ALG9: variants seen among roughly 807,000 people sequenced by gnomAD.
ALG9 encodes ALG9 alpha-1,2-mannosyltransferase.
A neutral mutation model predicts 81.8 loss-of-function variants in ALG9; 55 were observed. The observed-to-expected ratio is 0.67, with a 90% CI of 0.54 to 0.84. ALG9 has a LOEUF of 0.84. Ranked by LOEUF, ALG9 falls within the 40% of genes least tolerant of loss-of-function variation. The pLI is 0.00. For missense variants in ALG9, 629 were observed against 745.0 expected (o/e 0.84, Z 1.81); for synonymous variants, 278 against 274.3 (o/e 1.01, Z -0.13).
chr11:111,795,158 G>A (rs1392361692), intron 14 of ALG9, among the ~76,000 whole-genome samples: 1 of 152,150 alleles, frequency 6.6e-6, no homozygotes, highest in African/African-American at 2.4e-5. Context: ...TTAGGAAAGT[G>A]CCACAGAAAG....
chr11:111,863,930 T>C (rs1195657267), intron 4 of ALG9, among the ~76,000 whole-genome samples: 1 of 152,152 alleles, frequency 6.6e-6, no homozygotes, highest in Non-Finnish European at 1.5e-5. Context: ...ATGAATGATA[T>C]AAGGATATGG....
the ALG9 span, among the ~76,000 whole-genome samples, chr11:111,774,090 AAAAG>A: frequency 6.6e-6 from 1 of 150,546 alleles, no homozygotes; most frequent in Non-Finnish European, 1.5e-5. Context: ...AAAAAAAAAA[AAAAG>A]CAGCACGGAG....
At chr11:111,768,052 T>G in the ALG9 span, among the ~76,000 whole-genome samples, 1 of 152,226 alleles carries the variant, frequency 6.6e-6, no homozygotes, top group Non-Finnish European at 1.5e-5. Context: ...TTTATTGTTC[T>G]GGGATAATGA....
chr11:111,863,900 T>C (rs551068291), intron 4 of ALG9, among the ~76,000 whole-genome samples: 1 of 152,342 alleles, frequency 6.6e-6, no homozygotes, highest in East Asian at 1.9e-4. Context: ...ACCAGTTAGA[T>C]AGTTTTTAAC....
Position 111,865,293 on chromosome 11 carries a change from G to A in ALG9, c.406-42C>T, listed in dbSNP as rs1374668019. 4.1e-6 allele frequency: 6 copies of A among 1,470,328 alleles called. No homozygotes were observed. The African/African-American group carries it at 8.5e-5, about 21-fold the overall frequency. The allele number at this position is 1,470,328 out of a possible 1,614,324, so 91.1% of individuals were successfully genotyped here. A position where few individuals can be genotyped will look rare whatever the true frequency, so the allele number is the denominator to read the frequency against. On this transcript the variant is annotated intron_variant, in intron 3 of 14. Transcript: ENST00000616540. ...AAAAGAAAACAGAAGTCACAGATAT[G>A]AGCTAGAAAAACTCATAAACATGAA...
At chr11:111,864,446 T>G in intron 4 of ALG9, 1 of 756,930 alleles carries the variant, frequency 1.3e-6, no homozygotes, top group Non-Finnish European at 2.5e-6. Flanking sequence ...CCAGAAAATC[T>G]GTTCTTTTTT....
the ALG9 span, among the ~76,000 whole-genome samples, chr11:111,773,798 A>G: frequency 7.0e-6 from 1 of 142,002 alleles, no homozygotes; most frequent in Non-Finnish European, 1.5e-5. Context: ...TCTGTTACCC[A>G]GTCTGGAGTG....
At chr11:111,840,567 AGCATTCTGTAATTT>A (rs1256232259) in intron 10 of ALG9, 74 bp downstream of exon 10, 2 of 1,471,052 alleles carry the variant, frequency 1.4e-6, no homozygotes. Flanking sequence ...CTTAGGTGGA[AGCATTCTGTAATTT>A]GCACTTAAGT....
At position 111,857,795 on chromosome 11, in the gene ALG9, T is replaced by C. The variant is rs1367366253; in HGVS notation, c.566-58A>G. The C allele has an allele frequency of 3.1e-6, 5 of 1,596,516 alleles. No individual in the cohort carries two copies. The Admixed American group carries it at 5.0e-5, about 16-fold the overall frequency. ...GGACAAGAGCTCGAGGTTAATTAGG[T>C]ATCAATTAAAAACTGATTAAAAATT... On this transcript the variant is annotated intron_variant, in intron 5 of 14. Coordinates refer to ENST00000616540, the MANE Select transcript of ALG9 (RefSeq NM_024740.2).
downstream of ALG9, chr11:111,778,452 T>C (rs564551841): frequency 5.9e-5 from 9 of 152,330 alleles, no homozygotes; most frequent in South Asian, 2.1e-4. Context: ...TATTAGTTAA[T>C]TGTTTCCCAG....
At chr11:111,855,636 A>C (rs1214159880) in intron 6 of ALG9, among the ~76,000 whole-genome samples, 1 of 152,232 alleles carries the variant, frequency 6.6e-6, no homozygotes, top group Non-Finnish European at 1.5e-5. Flanking sequence ...ACACAAGTAA[A>C]GGAACAGCTA....
intron 9 of ALG9, among the ~76,000 whole-genome samples, chr11:111,843,180 C>A (rs1034561739): frequency 7.9e-5 from 12 of 152,146 alleles, no homozygotes; most frequent in African/African-American, 2.9e-4. Context: ...TAAGTTAACA[C>A]CTCAAGGGAG....
intron 4 of ALG9, chr11:111,864,217 C>T (rs1223677475): frequency 8.3e-6 from 6 of 723,118 alleles, no homozygotes; most frequent in Non-Finnish European, 1.5e-5. Flanking sequence ...ACCCACGACC[C>T]ACCAACCCAC....
At chr11:111,792,998 T>C (rs1283318119) in intron 14 of ALG9, among the ~76,000 whole-genome samples, 2 of 152,212 alleles carry the variant, frequency 1.3e-5, no homozygotes, top group African/African-American at 4.8e-5. Context: ...CTTTTTTTTC[T>C]TTTGAGACAG....
chr11:111,868,849 G>A (rs1424156486), intron 2 of ALG9, 113 bp from the exon 3 acceptor site: 20 of 1,125,082 alleles, frequency 1.8e-5, no homozygotes, highest in East Asian at 1.5e-4. Context: ...AGCCAGGCAC[G>A]ATGCCTCACA....
downstream of ALG9, among the ~76,000 whole-genome samples, chr11:111,781,226 C>T (rs543457875): frequency 3.4e-4 from 52 of 152,140 alleles, no homozygotes; most frequent in Non-Finnish European, 4.4e-4. Flanking sequence ...TAATAACCAA[C>T]GGCACAACAC....
At chr11:111,845,351 C>G (rs1956799939) in intron 8 of ALG9, 1 of 153,152 alleles carries the variant, frequency 6.5e-6, no homozygotes. Flanking sequence ...TCAGGCATCT[C>G]CCATTTTGTT....
intron 12 of ALG9, 89 bp downstream of exon 12, chr11:111,837,379 C>T: frequency 6.6e-7 from 1 of 1,520,544 alleles, no homozygotes; most frequent in South Asian, 1.1e-5. Context: ...GTGAAAACTC[C>T]AAAAGAAAAC....
At chr11:111,844,749 T>A in intron 8 of ALG9, 26 bp from the exon 9 acceptor site, 2 of 1,612,124 alleles carry the variant, frequency 1.2e-6, no homozygotes, top group Middle Eastern at 1.7e-4. Context: ...AGGTAAGAAA[T>A]CATTAGTGGA....
Sources: allele counts gnomAD v4.1 joint callset (sites outside exome capture counted in the v4.1 genomes callset), GRCh38; gene constraint gnomAD v4.1.1; transcripts MANE v1.5; gene names NCBI Gene and HGNC (gene_info 2026-07-23, HGNC 2026-07-21).